The following TMEM232 variants were observed in gnomAD, a reference collection of about 807,000 sequenced individuals.
TMEM232 encodes the protein transmembrane protein 232.
In TMEM232, 80 loss-of-function variants were observed where a neutral mutation model predicts 78.8. That is an observed-to-expected ratio of 1.01 (90% CI 0.85 to 1.22). TMEM232 has a LOEUF of 1.22. Ranked by LOEUF, TMEM232 falls within the 50% of genes most tolerant of loss-of-function variation. TMEM232 has a pLI of 0.00. For synonymous variants in TMEM232, 297 were observed against 254.3 expected (o/e 1.17, Z -1.60); for missense variants, 881 against 742.2 (o/e 1.19, Z -2.17).
At chr5:110,652,294 G>GCGCGCGCACACACA (rs1554069154) in intron 2 of TMEM232, among the ~76,000 whole-genome samples, 8 of 145,452 alleles carry the variant, frequency 5.5e-5, no homozygotes, top group Non-Finnish European at 9.0e-5. Context: ...GCACGCGCGC[G>GCGCGCGCACACACA]CACACACACA....
At chr5:110,491,335 C>G (rs537142919) in intron 12 of TMEM232, among the ~76,000 whole-genome samples, 1 of 152,042 alleles carries the variant, frequency 6.6e-6, no homozygotes, top group South Asian at 2.1e-4. Context: ...TTTTAACATG[C>G]ATGTGGATAA....
At chr5:110,716,465 A>C (rs972067772) in intron 1 of TMEM232, among the ~76,000 whole-genome samples, 1 of 152,102 alleles carries the variant, frequency 6.6e-6, no homozygotes, top group Admixed American at 6.6e-5. Flanking sequence ...TGGCGATGGG[A>C]GACAGTGACA....
chr5:110,663,624 T>A (rs1300781291), intron 2 of TMEM232, among the ~76,000 whole-genome samples: 1 of 152,016 alleles, frequency 6.6e-6, no homozygotes, highest in Non-Finnish European at 1.5e-5. Flanking sequence ...CATATGATTA[T>A]GATGATTATG....
chr5:110,615,849 T>C (rs1348621316), intron 8 of TMEM232, among the ~76,000 whole-genome samples: 1 of 151,906 alleles, frequency 6.6e-6, no homozygotes, highest in Non-Finnish European at 1.5e-5. Context: ...TGCTATATAC[T>C]AATGACAGAA....
intron 12 of TMEM232, among the ~76,000 whole-genome samples, chr5:110,456,723 A>C (rs552283152): frequency 6.6e-6 from 1 of 152,278 alleles, no homozygotes; most frequent in Admixed American, 6.5e-5. Context: ...ACCTGCACAT[A>C]CACAGTCAAC....
chr5:110,446,937 C>G (rs2195337), intron 12 of TMEM232, among the ~76,000 whole-genome samples: 4 of 151,570 alleles, frequency 2.6e-5, no homozygotes, highest in Non-Finnish European at 4.4e-5. Context: ...CTTTAGTAAC[C>G]TGAGTCAGTA....
At chr5:110,557,441 A>T (rs1334495269) in intron 11 of TMEM232, among the ~76,000 whole-genome samples, 1 of 152,196 alleles carries the variant, frequency 6.6e-6, no homozygotes, top group Non-Finnish European at 1.5e-5. Flanking sequence ...GGAGGTAAGA[A>T]GACTAATGTT....
chr5:110,448,271 C>T (rs191549298), intron 12 of TMEM232, among the ~76,000 whole-genome samples: 21 of 152,104 alleles, frequency 1.4e-4, no homozygotes, highest in Non-Finnish European at 2.9e-4. Context: ...CCTCCTTATA[C>T]TTTGCATAAG....
At chr5:110,469,458 G>C (rs1580809765) in intron 12 of TMEM232, among the ~76,000 whole-genome samples, 2 of 152,268 alleles carry the variant, frequency 1.3e-5, no homozygotes, top group Middle Eastern at 6.8e-3. Flanking sequence ...AGACCAAGCT[G>C]AAGTTACACA....
In TMEM232 at chr5:110,644,491, G is replaced by A. The variant is rs181949095; in HGVS notation, c.126-2120C>T. Among the ~76,000 whole-genome samples the A allele has an allele frequency of 1.3e-3, 192 of 151,790 alleles. 2 individuals carry two copies. The Middle Eastern group carries it at 0.014, about 11-fold the overall frequency. ...TTCCCAACATTACTGCTTCCAATTC[G>A]AACTGTCAAGATTAACAGCCAAGAT... On this transcript the variant is annotated intron_variant, in intron 2 of 13. Transcript: ENST00000455884.
At chr5:110,560,836 T>A (rs1257020536) in intron 11 of TMEM232, among the ~76,000 whole-genome samples, 1 of 152,194 alleles carries the variant, frequency 6.6e-6, no homozygotes, top group Non-Finnish European at 1.5e-5. Flanking sequence ...CTCCAGCCAA[T>A]AAATCTGAAA....
At chr5:110,450,445 A>C (rs1032881736) in intron 12 of TMEM232, among the ~76,000 whole-genome samples, 5 of 151,656 alleles carry the variant, frequency 3.3e-5, no homozygotes, top group South Asian at 2.1e-4. Flanking sequence ...TAACCTCCTA[A>C]ATTATCTCAT....
At chr5:110,395,912 A>C (rs910798817) in intron 3 of TMEM232, among the ~76,000 whole-genome samples, 2 of 152,144 alleles carry the variant, frequency 1.3e-5, no homozygotes, top group South Asian at 2.1e-4. Context: ...TGATGCAACT[A>C]TCTTACACTA....
At chr5:110,592,678 A>G (rs1779671095) in intron 10 of TMEM232, among the ~76,000 whole-genome samples, 1 of 151,898 alleles carries the variant, frequency 6.6e-6, no homozygotes, top group Non-Finnish European at 1.5e-5. Flanking sequence ...AACAAAAACA[A>G]AAAACAAACA....
intron 12 of TMEM232, among the ~76,000 whole-genome samples, chr5:110,527,236 G>A (rs1318154044): frequency 6.6e-6 from 1 of 151,724 alleles, no homozygotes; most frequent in Admixed American, 6.6e-5. Flanking sequence ...TCATACAAAG[G>A]AAAGAGAATC....
chr5:110,685,187 A>C (rs957789402), intron 1 of TMEM232, among the ~76,000 whole-genome samples: 1 of 152,188 alleles, frequency 6.6e-6, no homozygotes, highest in Non-Finnish European at 1.5e-5. Flanking sequence ...AAAATACTAC[A>C]TATAAAAACT....
chr5:110,566,962 G>C (rs994809391), intron 11 of TMEM232, among the ~76,000 whole-genome samples: 11 of 151,950 alleles, frequency 7.2e-5, no homozygotes, highest in Non-Finnish European at 8.8e-5. Flanking sequence ...ATGGTGGAAG[G>C]TGAAGGAGGA....
intron 12 of TMEM232, among the ~76,000 whole-genome samples, chr5:110,480,076 C>G (rs948255943): frequency 6.6e-6 from 1 of 151,684 alleles, no homozygotes; most frequent in Non-Finnish European, 1.5e-5. Context: ...ATTATTTCTG[C>G]ATCCTTCTTT....
At chr5:110,663,208 A>T (rs1790044245) in intron 2 of TMEM232, among the ~76,000 whole-genome samples, 1 of 152,148 alleles carries the variant, frequency 6.6e-6, no homozygotes, top group African/African-American at 2.4e-5. Flanking sequence ...AAAACAAGCA[A>T]TAAAAATGAT....
Sources: gnomAD v4.1 joint callset for allele counts (sites outside exome capture counted in the v4.1 genomes callset) on GRCh38, gnomAD v4.1.1 for gene constraint, MANE v1.5 for transcripts, NCBI Gene and HGNC (gene_info 2026-07-23, HGNC 2026-07-21) for gene names.